C8orf34: variants seen among roughly 807,000 people sequenced by gnomAD.
The protein encoded by C8orf34 is uncharacterized protein C8orf34.
Under a neutral mutation model 68.3 loss-of-function variants are expected in C8orf34, and 65 were observed. The ratio of observed to expected loss-of-function variants is 0.95; its 90% CI spans 0.78 to 1.17. The LOEUF (loss-of-function observed/expected upper bound fraction) is 1.17, where lower values mean the gene tolerates loss of function less well. Among genes scored for constraint, C8orf34 ranks in the 50% most tolerant of loss-of-function variants. The pLI is 0.00. For synonymous variants in C8orf34, 244 were observed against 241.2 expected, an observed-to-expected ratio of 1.01 and a Z score of -0.11; for missense variants, 664 against 655.4, an observed-to-expected ratio of 1.01 and a Z score of -0.14.
rs548011515 is a variant in C8orf34, at chr8:68,755,960, G to C, written c.1405-20439G>C. 1.4e-3 allele frequency among the ~76,000 whole-genome samples: 215 copies of C among 152,034 alleles called. 2 individuals are homozygous for C. Among genetic ancestry groups the C allele is most frequent in the Admixed American group, 1.8e-3 (28 of 15,272 alleles). ...CGGGCGCCTGTAGTCCCAGCTACTC[G>C]GGAGGCTGAGGCAGGAGAATGGCGT... On this transcript the variant is annotated intron_variant, in intron 10 of 13. Transcript: ENST00000518698.
At chr8:68,423,337 A>C (rs540987350) in intron 1 of C8orf34, among the ~76,000 whole-genome samples, 36 of 152,294 alleles carry the variant, frequency 2.4e-4, no homozygotes, top group South Asian at 6.2e-4. Context: ...CCTCTAATTC[A>C]GGGACAAAAT....
At chr8:68,657,951 A>G (rs1182440962) in intron 8 of C8orf34, among the ~76,000 whole-genome samples, 1 of 151,742 alleles carries the variant, frequency 6.6e-6, no homozygotes, top group Non-Finnish European at 1.5e-5. Flanking sequence ...ATGGTTTTAA[A>G]TTTTTTTTTA....
At chr8:68,537,260 A>G (rs927587046) in intron 7 of C8orf34, among the ~76,000 whole-genome samples, 2 of 152,032 alleles carry the variant, frequency 1.3e-5, no homozygotes, top group African/African-American at 4.8e-5. Context: ...CTATCCATGT[A>G]CCTATATTTT....
chr8:68,676,405 G>A (rs1238186354), intron 8 of C8orf34, among the ~76,000 whole-genome samples: 1 of 151,986 alleles, frequency 6.6e-6, no homozygotes, highest in African/African-American at 2.4e-5. Context: ...GCTAAATAAA[G>A]GGATAGACCC....
intron 10 of C8orf34, among the ~76,000 whole-genome samples, chr8:68,726,279 A>G (rs967055838): frequency 1.3e-5 from 2 of 152,172 alleles, no homozygotes; most frequent in African/African-American, 4.8e-5. Context: ...AGGGGACTGG[A>G]TCAGAACAGG....
intron 7 of C8orf34, among the ~76,000 whole-genome samples, chr8:68,630,106 A>T (rs1057303687): frequency 3.3e-5 from 5 of 152,106 alleles, no homozygotes; most frequent in African/African-American, 1.2e-4. Context: ...TATAACTTTT[A>T]TTAATATATT....
At chr8:68,454,694 C>G (rs1811477777) in intron 3 of C8orf34, among the ~76,000 whole-genome samples, 1 of 151,810 alleles carries the variant, frequency 6.6e-6, no homozygotes, top group African/African-American at 2.4e-5. Context: ...TCTAAAGAAC[C>G]AACTTTTGGT....
At chr8:68,458,649 C>T (rs374120397) in intron 3 of C8orf34, among the ~76,000 whole-genome samples, 1 of 152,086 alleles carries the variant, frequency 6.6e-6, no homozygotes. Context: ...TTTTCCACTC[C>T]CTCATCTGAA....
intron 1 of C8orf34, among the ~76,000 whole-genome samples, chr8:68,353,493 A>T (rs1487327649): frequency 3.3e-5 from 5 of 150,724 alleles, no homozygotes; most frequent in South Asian, 2.1e-4. Flanking sequence ...GGATGTGTGG[A>T]TGTATGTATT....
intron 9 of C8orf34, among the ~76,000 whole-genome samples, chr8:68,712,742 G>T (rs1441287849): frequency 6.6e-6 from 1 of 152,072 alleles, no homozygotes; most frequent in Admixed American, 6.5e-5. Flanking sequence ...CACAGTAATA[G>T]TGGGGGACTT....
intron 10 of C8orf34, among the ~76,000 whole-genome samples, chr8:68,760,890 A>C (rs1045981399): frequency 5.3e-5 from 8 of 152,156 alleles, no homozygotes; most frequent in African/African-American, 1.9e-4. Flanking sequence ...GACTAATACA[A>C]TGGTTGGTTT....
chr8:68,567,453 T>C (rs560164403), intron 7 of C8orf34, among the ~76,000 whole-genome samples: 1 of 152,148 alleles, frequency 6.6e-6, no homozygotes, highest in East Asian at 1.9e-4. Context: ...TATTTCTGTG[T>C]TGTCAGTTGT....
chr8:68,610,476 G>C (rs1817983752), intron 7 of C8orf34, among the ~76,000 whole-genome samples: 2 of 152,206 alleles, frequency 1.3e-5, no homozygotes, highest in South Asian at 4.1e-4. Flanking sequence ...CCTATATTAA[G>C]ACCTTAGAAA....
chr8:68,589,455 A>G (rs1172019935), intron 7 of C8orf34, among the ~76,000 whole-genome samples: 2 of 103,040 alleles, frequency 1.9e-5, no homozygotes, highest in East Asian at 4.8e-4. Flanking sequence ...GAAAGAATGA[A>G]AGAGAAAGAA....
intron 7 of C8orf34, among the ~76,000 whole-genome samples, chr8:68,639,604 T>G (rs557065350): frequency 6.6e-6 from 1 of 152,180 alleles, no homozygotes; most frequent in Admixed American, 6.5e-5. Context: ...AAACTTTATG[T>G]ATCTTTAGTG....
intron 7 of C8orf34, among the ~76,000 whole-genome samples, chr8:68,600,801 T>C (rs1310969953): frequency 1.3e-5 from 2 of 152,208 alleles, no homozygotes; most frequent in Non-Finnish European, 2.9e-5. Context: ...TTTTGAAATA[T>C]ACAATATGTT....
intron 1 of C8orf34, among the ~76,000 whole-genome samples, chr8:68,368,147 G>GT (rs1170936751): frequency 1.9e-4 from 29 of 152,092 alleles, no homozygotes; most frequent in Admixed American, 1.7e-3. Flanking sequence ...TTGTAGGGAA[G>GT]TTTTACCACA....
chr8:68,754,586 G>A (rs958518414), intron 10 of C8orf34, among the ~76,000 whole-genome samples: 4 of 152,168 alleles, frequency 2.6e-5, no homozygotes, highest in African/African-American at 9.7e-5. Flanking sequence ...AATACCCAAG[G>A]CTGTCCCAGC....
At chr8:68,657,122 C>T (rs958002099) in intron 8 of C8orf34, among the ~76,000 whole-genome samples, 2 of 152,150 alleles carry the variant, frequency 1.3e-5, no homozygotes, top group African/African-American at 4.8e-5. Context: ...CTGAAATGAA[C>T]TTACCTCATT....
Sources: gnomAD v4.1 joint callset for allele counts (sites outside exome capture counted in the v4.1 genomes callset) on GRCh38, gnomAD v4.1.1 for gene constraint, MANE v1.5 for transcripts, NCBI Gene and HGNC (gene_info 2026-07-23, HGNC 2026-07-21) for gene names.